The following PDE4D variants were observed in gnomAD, a reference collection of about 807,000 sequenced individuals.
PDE4D encodes phosphodiesterase 4D.
Under a neutral mutation model 87.4 loss-of-function variants are expected in PDE4D, and 24 were observed. The observed-to-expected ratio is 0.27, with a 90% CI of 0.20 to 0.39. The LOEUF is 0.39. PDE4D is among the 10% of genes least tolerant of loss of function. PDE4D has a pLI of 1.00. For synonymous variants in PDE4D, 384 were observed against 383.2 expected (o/e 1.00, Z -0.02); for missense variants, 714 against 1,041.0 (o/e 0.69, Z 4.32).
intron 1 of PDE4D, among the ~76,000 whole-genome samples, chr5:59,402,158 T>C (rs974272520): frequency 6.6e-6 from 1 of 152,190 alleles, no homozygotes; most frequent in Non-Finnish European, 1.5e-5. Context: ...TGGAAATTCG[T>C]TTTATTTTGC....
chr5:60,279,803 T>G (rs1751718873), intron 1 of PDE4D, among the ~76,000 whole-genome samples: 1 of 151,644 alleles, frequency 6.6e-6, no homozygotes, highest in Non-Finnish European at 1.5e-5. Context: ...TGCCTCAGCC[T>G]CCTGAGTAGC....
rs542256356 is a variant in PDE4D at position 60,438,036 on chromosome 5, G to GTGA, written c.-90+49903_-90+49905dup. On this transcript the variant is annotated intron_variant, in intron 1 of 16. Coordinates refer to the PDE4D transcript ENST00000502484. ...GGGCACTATCTGAGAATGGAGTGAA[G>GTGA]TGACCCTTGGTGAGGGCTGGAATAT... Among the ~76,000 whole-genome samples the GTGA allele has an allele frequency of 7.9e-5, 12 of 152,274 alleles. No individual in the cohort carries two copies. The East Asian group carries it at 2.3e-3, about 29-fold the overall frequency.
At chr5:59,128,680 A>G (rs903985194) in intron 5 of PDE4D, among the ~76,000 whole-genome samples, 15 of 152,334 alleles carry the variant, frequency 9.8e-5, no homozygotes, top group African/African-American at 3.4e-4. Context: ...CAAACACATC[A>G]GAATTGTCTT....
intron 1 of PDE4D, among the ~76,000 whole-genome samples, chr5:59,283,645 C>T (rs1464782456): frequency 1.3e-5 from 2 of 152,062 alleles, no homozygotes; most frequent in East Asian, 3.9e-4. Context: ...TTTCCCCTGC[C>T]TGGGGAACCT....
chr5:59,529,038 G>C (rs1414775993), intron 1 of PDE4D: 3 of 466,796 alleles, frequency 6.4e-6, no homozygotes, highest in African/African-American at 6.0e-5. Flanking sequence ...AACCACCAAG[G>C]GCTCATCGAA....
intron 1 of PDE4D, among the ~76,000 whole-genome samples, chr5:59,581,495 T>G (rs1824144586): frequency 6.6e-6 from 1 of 152,130 alleles, no homozygotes; most frequent in Non-Finnish European, 1.5e-5. Flanking sequence ...GAGGAATAAT[T>G]TCTTATTTTT....
chr5:59,324,495 C>T (rs971040921), intron 1 of PDE4D, among the ~76,000 whole-genome samples: 1 of 152,082 alleles, frequency 6.6e-6, no homozygotes, highest in Non-Finnish European at 1.5e-5. Context: ...GCCAATAAGA[C>T]ATTGAAGGGA....
At chr5:60,088,959 G>A (rs1448314575) in intron 2 of PDE4D, among the ~76,000 whole-genome samples, 1 of 152,020 alleles carries the variant, frequency 6.6e-6, no homozygotes, top group Non-Finnish European at 1.5e-5. Flanking sequence ...CAAACTGAAT[G>A]TGAAGATATT....
chr5:59,339,861 A>C (rs997870354), intron 1 of PDE4D, among the ~76,000 whole-genome samples: 1 of 152,086 alleles, frequency 6.6e-6, no homozygotes, highest in Non-Finnish European at 1.5e-5. Context: ...ATCTTCACAA[A>C]TCCCCTAATT....
rs564942836 is a variant in PDE4D at position 59,673,316 on chromosome 5, C to T, written c.455+219852G>A. ...TTAAGACATAGCTCATTGACTAGGA[C>T]CCAGTTTTCCAAGCAAGTATAAGAT... On this transcript the variant is annotated intron_variant, in intron 1 of 14. Transcript: ENST00000340635. Among the ~76,000 whole-genome samples the T allele has an allele frequency of 2.0e-5, 3 of 152,236 alleles. No individual in the cohort carries two copies. In the South Asian group the frequency reaches 6.2e-4, roughly 32 times the overall value.
At chr5:58,987,271 C>T (rs2153332422) in intron 11 of PDE4D, among the ~76,000 whole-genome samples, 1 of 152,194 alleles carries the variant, frequency 6.6e-6, no homozygotes, top group South Asian at 2.1e-4. Flanking sequence ...ATTATAGGTG[C>T]TCATAGGTAG....
chr5:59,543,903 T>C (rs1816798845), intron 1 of PDE4D, among the ~76,000 whole-genome samples: 1 of 152,208 alleles, frequency 6.6e-6, no homozygotes, highest in Admixed American at 6.5e-5. Context: ...TATGTGGGAA[T>C]CTGAGTATAG....
At chr5:60,175,877 C>A (rs905112115) in intron 2 of PDE4D, among the ~76,000 whole-genome samples, 2 of 152,136 alleles carry the variant, frequency 1.3e-5, no homozygotes, top group African/African-American at 4.8e-5. Context: ...TTCCATACCC[C>A]ACCCCTGGGG....
At chr5:59,510,192 TTAA>T (rs1217337064) in intron 1 of PDE4D, among the ~76,000 whole-genome samples, 3 of 150,878 alleles carry the variant, frequency 2.0e-5, no homozygotes, top group African/African-American at 4.8e-5. Context: ...TACTTAAAAC[TTAA>T]TAATAAATAT....
intron 1 of PDE4D, among the ~76,000 whole-genome samples, chr5:59,545,772 T>A (rs1467761857): frequency 6.6e-6 from 1 of 152,104 alleles, no homozygotes; most frequent in Admixed American, 6.6e-5. Flanking sequence ...ATAAATATAA[T>A]CATGAGGGTA....
chr5:58,973,805 G>A lies in PDE4D; in HGVS notation c.*859C>T, dbSNP rs1743073152. 6.6e-6 allele frequency: 1 copy of A among 152,370 alleles called. No homozygotes were observed. Among genetic ancestry groups the A allele is most frequent in the South Asian group, 2.1e-4 (1 of 4,814 alleles). The allele number at this position is 152,370 out of a possible 1,614,324, so 9.4% of individuals were successfully genotyped here. The stretch of plus-strand genomic sequence containing the variant: ...GTAAATAATAAAGACTTACAAAAAG[G>A]GTTTCCTGCAACATAAAGTTGTTTT... On this transcript the variant is annotated 3_prime_UTR_variant, in exon 15 of 15. Coordinates refer to ENST00000340635, the MANE Select transcript of PDE4D (RefSeq NM_001104631.2).
chr5:60,243,190 A>C (rs1747331541), intron 1 of PDE4D, among the ~76,000 whole-genome samples: 1 of 152,066 alleles, frequency 6.6e-6, no homozygotes, highest in Admixed American at 6.6e-5. Context: ...TACTATGAGC[A>C]ACTAAATCCC....
chr5:60,000,652 A>G (rs1005811396), intron 2 of PDE4D, among the ~76,000 whole-genome samples: 1 of 152,250 alleles, frequency 6.6e-6, no homozygotes, highest in African/African-American at 2.4e-5. Context: ...TAAAAATCGT[A>G]TAATATTGCA....
intron 1 of PDE4D, among the ~76,000 whole-genome samples, chr5:59,683,990 G>A (rs1433152456): frequency 6.6e-6 from 1 of 152,188 alleles, no homozygotes; most frequent in Non-Finnish European, 1.5e-5. Flanking sequence ...CAATTTTGCA[G>A]ATTTCTCTTT....
Sources: allele counts gnomAD v4.1 joint callset (sites outside exome capture counted in the v4.1 genomes callset), GRCh38; gene constraint gnomAD v4.1.1; transcripts MANE v1.5; gene names NCBI Gene and HGNC (gene_info 2026-07-23, HGNC 2026-07-21).